MTUS1: variants seen among roughly 807,000 people sequenced by gnomAD.
The protein encoded by MTUS1 is microtubule associated scaffold protein 1.
In MTUS1, 109 loss-of-function variants were observed where a neutral mutation model predicts 120.8. The observed-to-expected ratio is 0.90, with a 90% confidence interval of 0.77 to 1.06. The LOEUF is 1.06. MTUS1 is among the 50% of genes least tolerant of loss of function. The probability of loss-of-function intolerance (pLI) is 0.00; values close to 1 mark genes in which losing one functional copy is unlikely to be tolerated. For synonymous variants in MTUS1, 737 were observed against 550.5 expected, an observed-to-expected ratio of 1.34 and a Z score of -4.74; for missense variants, 2,210 against 1,486.3, an observed-to-expected ratio of 1.49 and a Z score of -8.01.
chr8:17,743,706 C>G lies in MTUS1; in HGVS notation c.2185G>C (p.Val729Leu), dbSNP rs1308053211. ...CTCAAACAGGAAACAGGGGGCCCCA[C>G]TTTGGCTTTTGGAGCAGCTATTTGC... Reference protein sequence around the residue: ...LRQIAAPKAKVGPPVSCLRRN... With the variant: ...LRQIAAPKAKLGPPVSCLRRN... Residue 729 changes from valine (V) to leucine (L), a missense_variant, in exon 3 of 15, where the codon GTG (valine) becomes CTG (leucine). Val to Leu is a conservative substitution (Grantham distance 32, BLOSUM62 1). Coordinates refer to ENST00000693296, the MANE Select transcript of MTUS1 (RefSeq NM_001363059.2). 3 of 1,614,206 alleles carry G rather than the reference C, an allele frequency of 1.9e-6. No individual in the cohort carries two copies. In the East Asian group the frequency reaches 6.7e-5, roughly 36 times the overall value.
intron 4 of MTUS1, among the ~76,000 whole-genome samples, chr8:17,720,393 G>A (rs980088440): frequency 6.6e-6 from 1 of 151,878 alleles, no homozygotes; most frequent in African/African-American, 2.4e-5. Flanking sequence ...TGGGTCCAAG[G>A]TTAGTGCCCT....
At chr8:17,765,098 G>C (rs1040546341) in intron 1 of MTUS1, among the ~76,000 whole-genome samples, 1 of 152,108 alleles carries the variant, frequency 6.6e-6, no homozygotes, top group Non-Finnish European at 1.5e-5. Context: ...TAAGTAGCTC[G>C]CAACCTAGAT....
chr8:17,657,287 G>C (rs1446145902), intron 8 of MTUS1, among the ~76,000 whole-genome samples: 3 of 151,898 alleles, frequency 2.0e-5, no homozygotes, highest in Non-Finnish European at 4.4e-5. Context: ...AAGAAGCTGA[G>C]ACCGGGCGCG....
In MTUS1 at chr8:17,754,747, A is replaced by C; in HGVS notation, c.1061T>G (p.Val354Gly). The C allele has an allele frequency of 6.2e-7, 1 of 1,614,224 alleles. No individual in the cohort carries two copies. ...CLIDDECPLM[V>G]PAFDKSEAQV... ...AGCTTCGCTCTTATCAAAAGCTGGCACCATTAAAGGGCATTCATCATCAAT... is the reference window on the plus strand; with the variant it reads ...AGCTTCGCTCTTATCAAAAGCTGGCCCCATTAAAGGGCATTCATCATCAAT... Residue 354 changes from valine (V) to glycine (G), a missense_variant, in exon 2 of 15, where the codon GTG (valine) becomes GGG (glycine). Val to Gly is a moderately radical substitution (Grantham distance 109, BLOSUM62 -3). Coordinates refer to ENST00000693296, the MANE Select transcript of MTUS1 (RefSeq NM_001363059.2).
chr8:17,649,480 T>C (rs746161166), intron 13 of MTUS1, among the ~76,000 whole-genome samples: 3 of 152,246 alleles, frequency 2.0e-5, no homozygotes, highest in Non-Finnish European at 2.9e-5. Flanking sequence ...TCCAACTGTT[T>C]TGGATCTAAG....
intron 3 of MTUS1, chr8:17,724,185 T>C (rs201315923): frequency 8.1e-5 from 37 of 458,512 alleles, no homozygotes; most frequent in Non-Finnish European, 1.5e-4. Flanking sequence ...AATAAACAAA[T>C]TGATACGACC....
At chr8:17,673,257 G>C (rs763805060) in intron 8 of MTUS1, among the ~76,000 whole-genome samples, 1 of 152,176 alleles carries the variant, frequency 6.6e-6, no homozygotes, top group African/African-American at 2.4e-5. Flanking sequence ...GGATTTCCTT[G>C]AACTGTTTCA....
At chr8:17,657,978 T>TATACATATATA (rs1323362374) in intron 8 of MTUS1, among the ~76,000 whole-genome samples, 1 of 151,142 alleles carries the variant, frequency 6.6e-6, no homozygotes, top group African/African-American at 2.4e-5. Flanking sequence ...TGCATATACA[T>TATACATATATA]ATACATATAT....
At chr8:17,801,188 G>A (rs1043371699), upstream of MTUS1, among the ~76,000 whole-genome samples, 1 of 151,584 alleles carries the variant, frequency 6.6e-6, no homozygotes, top group Admixed American at 6.5e-5. Flanking sequence ...GCACCTGGGG[G>A]CGCGCGGCGC....
chr8:17,652,845 AAAAG>A (rs1310356749), intron 12 of MTUS1, among the ~76,000 whole-genome samples: 54 of 152,000 alleles, frequency 3.6e-4, no homozygotes, highest in Non-Finnish European at 6.5e-4. Context: ...CAAAAAAAAA[AAAAG>A]AAAGAGTGAA....
chr8:17,735,681 CACA>C (rs1024635813), intron 3 of MTUS1, among the ~76,000 whole-genome samples: 10 of 152,390 alleles, frequency 6.6e-5, no homozygotes, highest in Admixed American at 2.6e-4. Flanking sequence ...AGTTCTCCCT[CACA>C]ACAAGTTAGT....
intron 1 of MTUS1, among the ~76,000 whole-genome samples, chr8:17,769,118 G>T (rs1238186095): frequency 6.6e-6 from 1 of 151,930 alleles, no homozygotes; most frequent in South Asian, 2.1e-4. Context: ...CGAAGGAGAA[G>T]CTCCCAGCAA....
chr8:17,746,225 G>A (rs1388465666), intron 2 of MTUS1, among the ~76,000 whole-genome samples: 1 of 152,164 alleles, frequency 6.6e-6, no homozygotes, highest in Admixed American at 6.5e-5. Flanking sequence ...GATCTTGGCT[G>A]CTGTTTCAAT....
intron 6 of MTUS1, among the ~76,000 whole-genome samples, chr8:17,698,656 A>G (rs1818443071): frequency 6.6e-6 from 1 of 152,200 alleles, no homozygotes; most frequent in Non-Finnish European, 1.5e-5. Flanking sequence ...TAGAAATTCT[A>G]TAGAGTAGGG....
chr8:17,753,282 G>A (rs182493277), intron 2 of MTUS1, among the ~76,000 whole-genome samples: 14,464 of 152,086 alleles, frequency 0.095, 773 homozygotes, highest in South Asian at 0.16. Context: ...TCCTCCGCAA[G>A]AGTCCAGGAG....
intron 1 of MTUS1, among the ~76,000 whole-genome samples, chr8:17,779,718 A>G (rs973494073): frequency 6.6e-6 from 1 of 152,150 alleles, no homozygotes; most frequent in Admixed American, 6.5e-5. Flanking sequence ...TTTCCTCCTA[A>G]ACTCACAGAC....
chr8:17,736,444 C>A (rs993084680), intron 3 of MTUS1, among the ~76,000 whole-genome samples: 1 of 152,170 alleles, frequency 6.6e-6, no homozygotes, highest in Non-Finnish European at 1.5e-5. Flanking sequence ...CCTGGAAAGT[C>A]CTCCCGCCTG....
intron 1 of MTUS1, among the ~76,000 whole-genome samples, chr8:17,775,203 A>G (rs2131478781): frequency 6.6e-6 from 1 of 152,270 alleles, no homozygotes; most frequent in Admixed American, 6.5e-5. Context: ...AATGTACTTT[A>G]TGCCACTGAA....
In MTUS1 at chr8:17,649,828, A is replaced by T; in HGVS notation, c.3501+18T>A. On this transcript the variant is annotated intron_variant, in intron 13 of 14. Transcript: ENST00000693296. ...TACCCCATTTGTAAGATCCTCTTTC[A>T]TTCTGAAGGAAACATACCAGTTTCT... is the stretch of plus-strand genomic sequence containing the variant. 7.3e-7 allele frequency: 1 copy of T among 1,363,830 alleles called. No homozygotes were observed. Among genetic ancestry groups the T allele is most frequent in the Non-Finnish European group, 1.0e-6 (1 of 952,874 alleles). 84.5% of individuals were successfully genotyped at this position (1,363,830 alleles called of 1,614,324 possible).
Sources: gnomAD v4.1 joint callset for allele counts (sites outside exome capture counted in the v4.1 genomes callset) on GRCh38, gnomAD v4.1.1 for gene constraint, MANE v1.5 for transcripts, NCBI Gene and HGNC (gene_info 2026-07-23, HGNC 2026-07-21) for gene names.